The following SNX24 variants were observed in gnomAD, a reference collection of about 807,000 sequenced individuals.
SNX24 encodes the protein sorting nexin 24, also known as sorting nexin-24.
In SNX24, 22 loss-of-function variants were observed where a neutral mutation model predicts 28.7. The ratio of observed to expected loss-of-function variants is 0.77; its 90% CI spans 0.55 to 1.10. SNX24 has a LOEUF of 1.10. Among genes scored for constraint, SNX24 ranks in the 50% least tolerant of loss-of-function variants. The probability of loss-of-function intolerance (pLI) is 0.00; values close to 1 mark genes in which losing one functional copy is unlikely to be tolerated. For synonymous variants in SNX24, 69 were observed against 71.5 expected (o/e 0.96, Z 0.18); for missense variants, 221 against 201.1 (o/e 1.10, Z -0.60).
intron 3 of SNX24, among the ~76,000 whole-genome samples, chr5:122,999,405 A>C (rs1189737066): frequency 1.3e-5 from 2 of 152,142 alleles, no homozygotes; most frequent in Non-Finnish European, 2.9e-5. Context: ...CTTCCAGTTA[A>C]AAAATAATTT....
intron 3 of SNX24, among the ~76,000 whole-genome samples, chr5:122,995,283 C>T (rs1472164401): frequency 6.6e-6 from 1 of 152,182 alleles, no homozygotes; most frequent in Non-Finnish European, 1.5e-5. Context: ...TAACCAGTGG[C>T]CACCCTCCTT....
intron 6 of SNX24, 44 bp from the exon 7 acceptor site, chr5:123,007,638 A>T (rs1278309421): frequency 1.3e-5 from 19 of 1,514,576 alleles, no homozygotes; most frequent in Non-Finnish European, 1.6e-5. Flanking sequence ...ACATAAGAAA[A>T]GCAGTTTTTC....
chr5:122,932,592 G>A (rs1350582511), intron 1 of SNX24, among the ~76,000 whole-genome samples: 2 of 152,150 alleles, frequency 1.3e-5, no homozygotes, highest in Admixed American at 6.5e-5. Flanking sequence ...CATTTTAGCC[G>A]GGTGCAGTGG....
At chr5:123,002,563 C>T (rs565854515) in intron 6 of SNX24, among the ~76,000 whole-genome samples, 24 of 152,242 alleles carry the variant, frequency 1.6e-4, no homozygotes, top group South Asian at 4.1e-4. Flanking sequence ...ACCCGGGAGG[C>T]GGAGCTTGCA....
chr5:122,846,055 C>T (rs1379626892), intron 1 of SNX24, among the ~76,000 whole-genome samples: 1 of 152,162 alleles, frequency 6.6e-6, no homozygotes, highest in Non-Finnish European at 1.5e-5. Flanking sequence ...AGTAGCTTCG[C>T]GGCAGATTCA....
rs375939060 is a variant in SNX24, at chr5:122,880,680, C to T, written c.60+34987C>T. On this transcript the variant is annotated intron_variant, in intron 1 of 6. Coordinates refer to ENST00000261369, the MANE Select transcript of SNX24 (RefSeq NM_014035.4). Reference sequence around the variant, plus strand: ...TTTGTGTTGTGGTCAAAATAGAAGCCGACCTTGCTTGTTCACAAAAGCTCA... The same window carrying T: ...TTTGTGTTGTGGTCAAAATAGAAGCTGACCTTGCTTGTTCACAAAAGCTCA... Among the ~76,000 whole-genome samples the T allele has an allele frequency of 2.0e-5, 3 of 152,224 alleles. No homozygotes were observed. The South Asian group carries it at 6.2e-4, about 32-fold the overall frequency.
chr5:122,891,043 A>G (rs1756945334), intron 1 of SNX24: 4 of 1,524,140 alleles, frequency 2.6e-6, no homozygotes, highest in Non-Finnish European at 3.5e-6. Context: ...ATAGTTTGGC[A>G]TAGAGCCTTC....
At chr5:122,911,225 A>C (rs1287237508) in intron 1 of SNX24, among the ~76,000 whole-genome samples, 1 of 152,116 alleles carries the variant, frequency 6.6e-6, no homozygotes, top group Admixed American at 6.5e-5. Context: ...GCCAGTGATG[A>C]TGAGCATTTT....
chr5:123,001,794 C>G, intron 5 of SNX24, 146 bp from the exon 6 acceptor site: 1 of 689,442 alleles, frequency 1.5e-6, no homozygotes, highest in Non-Finnish European at 2.6e-6. Context: ...CACTCTTACT[C>G]TGCGTGCTAT....
intron 2 of SNX24, 125 bp downstream of exon 2, chr5:122,936,942 T>C (rs1256407076): frequency 6.0e-6 from 3 of 498,372 alleles, no homozygotes; most frequent in Non-Finnish European, 1.1e-5. Flanking sequence ...TTTTCTTTTA[T>C]CATAAAGTAA....
chr5:122,899,530 T>C (rs1361735567), intron 1 of SNX24, among the ~76,000 whole-genome samples: 2 of 152,116 alleles, frequency 1.3e-5, no homozygotes, highest in Non-Finnish European at 2.9e-5. Context: ...CATCTTAGCC[T>C]CCCAAATAGC....
chr5:123,002,122 A>G (rs1239494755), intron 6 of SNX24, 118 bp downstream of exon 6: 7 of 804,028 alleles, frequency 8.7e-6, no homozygotes, highest in Non-Finnish European at 2.2e-6. Context: ...ATAATCTGCC[A>G]ATAAACCAGT....
chr5:122,909,785 A>G (rs111591178), intron 1 of SNX24, among the ~76,000 whole-genome samples: 2 of 152,232 alleles, frequency 1.3e-5, no homozygotes, highest in East Asian at 1.9e-4. Context: ...TTTGCTGCCC[A>G]CTCAGCCCCA....
At chr5:123,001,803 A>G (rs1762257085) in intron 5 of SNX24, 137 bp from the exon 6 acceptor site, 2 of 717,310 alleles carry the variant, frequency 2.8e-6, no homozygotes, top group African/African-American at 3.5e-5. Context: ...TCTGCGTGCT[A>G]TTATTCACCC....
chr5:123,022,824 G>C (rs1188605057), intron 5 of SNX24: 1 of 152,392 alleles, frequency 6.6e-6, no homozygotes, highest in Non-Finnish European at 1.5e-5. Context: ...TTTTGTTGTT[G>C]TCGTTGCTGT....
Position 123,029,272 on chromosome 5 carries a change from A to T in SNX24, n.418A>T, listed in dbSNP as rs765412346. Reference sequence around the variant, plus strand: ...TTATATTTGGCTTCAAAGAAAGAAGACCCAATTTAAAGGAAATAAAATTGA... The same window carrying T: ...TTATATTTGGCTTCAAAGAAAGAAGTCCCAATTTAAAGGAAATAAAATTGA... On this transcript the variant is annotated non_coding_transcript_exon_variant, in exon 6 of 6. Coordinates refer to the SNX24 transcript ENST00000502387. The T allele has an allele frequency of 5.0e-6, 8 of 1,614,038 alleles. 1 individual carries two copies. Among genetic ancestry groups the T allele is most frequent in the Non-Finnish European group, 6.8e-6 (8 of 1,179,952 alleles).
intron 5 of SNX24, among the ~76,000 whole-genome samples, chr5:123,024,298 A>G (rs1762818133): frequency 1.3e-5 from 2 of 152,236 alleles, no homozygotes; most frequent in Admixed American, 1.3e-4. Flanking sequence ...CTAAAAAAGT[A>G]GATATTTTTG....
chr5:122,966,944 G>A (rs1178058620), intron 3 of SNX24, among the ~76,000 whole-genome samples: 1 of 152,136 alleles, frequency 6.6e-6, no homozygotes, highest in African/African-American at 2.4e-5. Flanking sequence ...AGGAATTCAA[G>A]GAGTCTGGAG....
chr5:123,025,887 T>C (rs1186168018), intron 5 of SNX24: 18 of 1,613,970 alleles, frequency 1.1e-5, no homozygotes, highest in Non-Finnish European at 1.4e-5. Flanking sequence ...AGGCCCAGCG[T>C]TGGCCATGCT....
Sources: gnomAD v4.1 joint callset for allele counts (sites outside exome capture counted in the v4.1 genomes callset) on GRCh38, gnomAD v4.1.1 for gene constraint, MANE v1.5 for transcripts, NCBI Gene and HGNC (gene_info 2026-07-23, HGNC 2026-07-21) for gene names.